Variants in CAMK1G observed in about 807,000 individuals in gnomAD.
CAMK1G encodes the protein calcium/calmodulin-dependent protein kinase type 1G.
In CAMK1G, 27 loss-of-function variants were observed where a neutral mutation model predicts 54.8. The observed-to-expected ratio is 0.49, with a 90% confidence interval of 0.36 to 0.68. The LOEUF (loss-of-function observed/expected upper bound fraction) is 0.68, where lower values mean the gene tolerates loss of function less well. Ranked by LOEUF, CAMK1G falls within the 30% of genes least tolerant of loss-of-function variation. The pLI is 0.00. For missense variants in CAMK1G, 512 were observed against 591.0 expected, an observed-to-expected ratio of 0.87 and a Z score of 1.39; for synonymous variants, 238 against 224.9, an observed-to-expected ratio of 1.06 and a Z score of -0.52.
rs56012133 is a variant in CAMK1G at position 209,592,344 on chromosome 1, C to CAAAAAA, written c.-29-2596_-29-2591dup. On this transcript the variant is annotated intron_variant, in intron 1 of 12. Transcript: ENST00000361322. ...TGGGTAATAGAGCAAGACTCTGTCTCAAAAAAAAAAAAAAAAAAAACTCCA... is the reference window on the plus strand; with the variant it reads ...TGGGTAATAGAGCAAGACTCTGTCTCAAAAAAAAAAAAAAAAAAAAAAAAAACTCCA... Among the ~76,000 whole-genome samples, 16 of 70,196 alleles carry CAAAAAA rather than the reference C, an allele frequency of 2.3e-4. 1 individual carries two copies. The highest frequency in any genetic ancestry group is 2.8e-4 in the African/African-American group (6 of 21,464). 46.1% of individuals were successfully genotyped at this position (70,196 alleles called of 152,430 possible).
chr1:209,608,815 C>G (rs964731586), intron 7 of CAMK1G, 165 bp from the exon 8 acceptor site: 7 of 495,150 alleles, frequency 1.4e-5, no homozygotes, highest in Non-Finnish European at 1.8e-5. Context: ...TTTACGGGAC[C>G]TGTACCATTC....
chr1:209,612,806 G>A lies in CAMK1G; in HGVS notation c.1362G>A (p.Met454Ile), dbSNP rs1274979121. Residue 454 changes from methionine (M) to isoleucine (I), a missense_variant, in exon 12 of 13, where the codon ATG (methionine) becomes ATA (isoleucine). This residue lies in a region of CAMK1G where 315 missense variants were observed against 330.5 expected (regional missense o/e 0.95). Transcript: ENST00000361322. Reference protein sequence around the residue: ...NKKQNFKSEVMVPVKASGSSH... With the variant: ...NKKQNFKSEVIVPVKASGSSH... ...CTAGGAACTTCAAGTCGGAGGTCAT[G>A]GTACCAGTTAAAGCCAGTGGCAGCT... 1 of 1,614,114 alleles carries A rather than the reference G, an allele frequency of 6.2e-7. No individual in the cohort carries two copies. The highest frequency in any genetic ancestry group is 8.5e-7 in the Non-Finnish European group (1 of 1,179,984).
chr1:209,595,224 G>C, intron 2 of CAMK1G, 149 bp downstream of exon 2: 1 of 608,200 alleles, frequency 1.6e-6, no homozygotes, highest in East Asian at 2.9e-5. Flanking sequence ...GGAGAGTTTT[G>C]TGGCCTGGAG....
At chr1:209,586,118 T>C (rs1571768614) in intron 1 of CAMK1G, among the ~76,000 whole-genome samples, 1 of 152,304 alleles carries the variant, frequency 6.6e-6, no homozygotes, top group South Asian at 2.1e-4. Flanking sequence ...CTATCCCTGG[T>C]AGGGGAAAGA....
intron 7 of CAMK1G, 39 bp from the exon 8 acceptor site, chr1:209,608,941 G>T: frequency 6.2e-7 from 1 of 1,612,358 alleles, no homozygotes; most frequent in Middle Eastern, 1.7e-4. Flanking sequence ...GGGAGGACAG[G>T]TTTGTTCAGT....
At chr1:209,601,791 A>G (rs1665532121) in intron 3 of CAMK1G, among the ~76,000 whole-genome samples, 1 of 152,230 alleles carries the variant, frequency 6.6e-6, no homozygotes, top group Non-Finnish European at 1.5e-5. Flanking sequence ...GTTTACTATT[A>G]CCCAGACACT....
chr1:209,594,115 A>C (rs1312959551), intron 1 of CAMK1G, among the ~76,000 whole-genome samples: 1 of 152,124 alleles, frequency 6.6e-6, no homozygotes, highest in African/African-American at 2.4e-5. Context: ...CAGCTTAAAT[A>C]TGACCTGCTC....
intron 8 of CAMK1G, among the ~76,000 whole-genome samples, chr1:209,609,574 T>G (rs146409822): frequency 2.0e-5 from 3 of 152,238 alleles, no homozygotes; most frequent in African/African-American, 7.2e-5. Context: ...TGCAAACACA[T>G]GCACATGTGA....
At chr1:209,612,375 C>A in intron 11 of CAMK1G, 159 bp downstream of exon 11, 1 of 730,968 alleles carries the variant, frequency 1.4e-6, no homozygotes. Flanking sequence ...GCTTCCAGCC[C>A]TGTCCCCATC....
chr1:209,588,075 G>C (rs1310960017), intron 1 of CAMK1G, among the ~76,000 whole-genome samples: 4 of 152,190 alleles, frequency 2.6e-5, no homozygotes, highest in African/African-American at 9.7e-5. Context: ...GATCCAGAAG[G>C]CTCTGAGCCT....
At chr1:209,588,428 T>A (rs1024829519) in intron 1 of CAMK1G, among the ~76,000 whole-genome samples, 3 of 151,390 alleles carry the variant, frequency 2.0e-5, no homozygotes, top group African/African-American at 7.3e-5. Context: ...ATGGAAAGCC[T>A]TTGAATTATA....
At chr1:209,604,072 ACG>A (rs1665589959) in intron 4 of CAMK1G, among the ~76,000 whole-genome samples, 5 of 152,308 alleles carry the variant, frequency 3.3e-5, no homozygotes, top group Admixed American at 3.3e-4. Context: ...ACAGACATAC[ACG>A]CACTCACACA....
At chr1:209,588,939 G>A (rs1665176057) in intron 1 of CAMK1G, among the ~76,000 whole-genome samples, 1 of 152,170 alleles carries the variant, frequency 6.6e-6, no homozygotes, top group Non-Finnish European at 1.5e-5. Context: ...TGCCCTTTAG[G>A]AAGAACTTTC....
At chr1:209,610,529 G>T (rs1240937954) in intron 9 of CAMK1G, among the ~76,000 whole-genome samples, 2 of 151,934 alleles carry the variant, frequency 1.3e-5, no homozygotes, top group African/African-American at 4.8e-5. Context: ...GTCCAGATAG[G>T]CCTGGGAGCT....
chr1:209,594,259 G>A (rs757648457), intron 1 of CAMK1G, among the ~76,000 whole-genome samples: 42 of 152,080 alleles, frequency 2.8e-4, no homozygotes, highest in African/African-American at 7.5e-4. Context: ...CCCATTGCCC[G>A]TCTCCTTCAG....
chr1:209,599,961 T>C, intron 2 of CAMK1G, 22 bp from the exon 3 acceptor site: 2 of 1,611,616 alleles, frequency 1.2e-6, no homozygotes, highest in South Asian at 1.1e-5. Context: ...CTAAGTTTTA[T>C]CTTTTGGTGT....
Position 209,591,938 on chromosome 1 carries a change from T to C in CAMK1G, c.-29-3017T>C, listed in dbSNP as rs116237807. The stretch of plus-strand genomic sequence containing the variant: ...CCGTGACCTGCTCTACATCCCCTCA[T>C]AGGGCCATGAGCCACAATGAGCTGG... On this transcript the variant is annotated intron_variant, in intron 1 of 12. Coordinates refer to ENST00000361322, the MANE Select transcript of CAMK1G (RefSeq NM_020439.3). 7.6e-3 allele frequency among the ~76,000 whole-genome samples: 1,161 copies of C among 152,228 alleles called. 10 individuals are homozygous for C. The highest frequency in any genetic ancestry group is 0.013 in the Non-Finnish European group (876 of 67,988).
At position 209,613,237 on chromosome 1, in the gene CAMK1G, A is replaced by G. The variant is rs1372817066; in HGVS notation, c.*235A>G. The G allele has an allele frequency of 4.1e-6, 1 of 246,838 alleles. No individual in the cohort carries two copies. The highest frequency in any genetic ancestry group is 8.2e-6 in the Non-Finnish European group (1 of 121,770). The allele number at this position is 246,838 out of a possible 1,614,324, so 15.3% of individuals were successfully genotyped here. ...AAGCCTTGTTGAAGCTGTGAGCAGG[A>G]GAAGCGGTGCCCACCAGCTTCCAGG... On this transcript the variant is annotated 3_prime_UTR_variant, in exon 13 of 13. Coordinates refer to ENST00000361322, the MANE Select transcript of CAMK1G (RefSeq NM_020439.3).
intron 8 of CAMK1G, among the ~76,000 whole-genome samples, chr1:209,609,613 A>G (rs1401252964): frequency 6.6e-6 from 1 of 152,212 alleles, no homozygotes; most frequent in Non-Finnish European, 1.5e-5. Context: ...CCTTGTGACT[A>G]GTGACGCTTC....
Sources: gnomAD v4.1 joint callset for allele counts (sites outside exome capture counted in the v4.1 genomes callset) on GRCh38, gnomAD v4.1.1 for gene constraint, gnomAD v4.1.1 regional missense constraint, MANE v1.5 for transcripts, NCBI Gene and HGNC (gene_info 2026-07-23, HGNC 2026-07-21) for gene names.